Variants in MTAP observed in about 807,000 individuals in gnomAD.
MTAP encodes S-methyl-5'-thioadenosine phosphorylase.
Under a neutral mutation model 33.6 loss-of-function variants are expected in MTAP, and 33 were observed. The ratio of observed to expected loss-of-function variants is 0.98; its 90% CI spans 0.74 to 1.31. The LOEUF (loss-of-function observed/expected upper bound fraction) is 1.31. Ranked by LOEUF, MTAP falls within the 40% of genes most tolerant of loss-of-function variation. MTAP has a pLI of 0.00. For synonymous variants in MTAP, 148 were observed against 125.7 expected, an observed-to-expected ratio of 1.18 and a Z score of -1.19; for missense variants, 367 against 360.0, an observed-to-expected ratio of 1.02 and a Z score of -0.16.
chr9:21,843,762 A>G (rs985022463), intron 5 of MTAP, among the ~76,000 whole-genome samples: 1 of 152,220 alleles, frequency 6.6e-6, no homozygotes, highest in African/African-American at 2.4e-5. Flanking sequence ...CTAATGGGAA[A>G]GTTCATAGCA....
chr9:21,854,016 T>C (rs1051386810), intron 5 of MTAP, among the ~76,000 whole-genome samples: 2 of 152,338 alleles, frequency 1.3e-5, no homozygotes, highest in South Asian at 4.1e-4. Flanking sequence ...AATCCATGCC[T>C]AGCCTTGCCA....
chr9:21,865,506 A>G lies in MTAP; in HGVS notation c.*3492A>G, dbSNP rs146379102. ...ACCAGTGTGCACACAATCTGGCTCA[A>G]TGTATATATTGGCCCAGCAAGGCAA... is the stretch of plus-strand genomic sequence containing the variant. On this transcript the variant is annotated 3_prime_UTR_variant, in exon 8 of 8. Transcript: ENST00000644715. 4.4e-4 allele frequency: 435 copies of G among 985,618 alleles called. 1 individual carries two copies. In the African/African-American group the frequency reaches 7.3e-3, roughly 16 times the overall value. 61.1% of individuals were successfully genotyped at this position (985,618 alleles called of 1,614,324 possible). A position where few individuals can be genotyped will look rare whatever the true frequency, so the allele number is the denominator to read the frequency against.
intron 1 of MTAP, among the ~76,000 whole-genome samples, chr9:21,903,136 G>C (rs969955787): frequency 1.3e-5 from 2 of 152,172 alleles, no homozygotes; most frequent in Non-Finnish European, 2.9e-5. Flanking sequence ...CTGTAGCATT[G>C]AATGGGGCCT....
chr9:21,867,286 T>C (rs1163405456), downstream of MTAP, among the ~76,000 whole-genome samples: 1 of 152,180 alleles, frequency 6.6e-6, no homozygotes, highest in Non-Finnish European at 1.5e-5. Context: ...CGTCTAGTTT[T>C]TCACTATTAA....
At chr9:21,939,535 A>G (rs1049538940), downstream of MTAP, among the ~76,000 whole-genome samples, 1 of 152,158 alleles carries the variant, frequency 6.6e-6, no homozygotes, top group Non-Finnish European at 1.5e-5. Context: ...ATTATTTCCA[A>G]GGCAATATAG....
intron 1 of MTAP, among the ~76,000 whole-genome samples, chr9:21,916,380 C>T (rs753728501): frequency 1.7e-4 from 26 of 152,018 alleles, no homozygotes; most frequent in Non-Finnish European, 3.8e-4. Flanking sequence ...GAGGCCGAGA[C>T]GGGTGGATCA....
chr9:21,829,903 A>C (rs1473463363), intron 4 of MTAP, among the ~76,000 whole-genome samples: 3 of 152,148 alleles, frequency 2.0e-5, no homozygotes, highest in Non-Finnish European at 4.4e-5. Context: ...TTTTAAGAAA[A>C]ATGTCATTCT....
At chr9:21,899,420 A>G (rs1818352358) in intron 1 of MTAP, among the ~76,000 whole-genome samples, 1 of 147,650 alleles carries the variant, frequency 6.8e-6, no homozygotes, top group Non-Finnish European at 1.5e-5. Context: ...GGGGAAGGGG[A>G]AGGAGGGGAG....
rs1008568515 is a variant in MTAP, at chr9:21,912,889, G to A, written c.148-18119G>A. On this transcript the variant is annotated intron_variant, in intron 1 of 1. Coordinates refer to the MTAP transcript ENST00000577563. ...GATTGTATATCTAGAAAACCCCATC[G>A]TCTCAGTCCAAAATCTCGTTAAGCT... Among the ~76,000 whole-genome samples, 8 of 152,246 alleles carry A rather than the reference G, an allele frequency of 5.3e-5. No homozygotes were observed. The East Asian group carries it at 7.7e-4, about 15-fold the overall frequency.
intron 4 of MTAP, among the ~76,000 whole-genome samples, chr9:21,832,744 G>T (rs929264408): frequency 2.6e-5 from 4 of 152,126 alleles, no homozygotes; most frequent in Non-Finnish European, 4.4e-5. Context: ...TACACTACCA[G>T]TTTTTGAGTT....
chr9:21,848,492 A>G (rs1278167001), intron 5 of MTAP, among the ~76,000 whole-genome samples: 1 of 151,404 alleles, frequency 6.6e-6, no homozygotes, highest in African/African-American at 2.4e-5. Flanking sequence ...AAAGGTTCTA[A>G]TTATTTACTT....
intron 1 of MTAP, chr9:21,929,639 C>T (rs980252857): frequency 1.7e-5 from 5 of 297,522 alleles, no homozygotes; most frequent in Non-Finnish European, 3.5e-5. Flanking sequence ...CCAGCCTGTA[C>T]CAGAGATTGG....
intron 5 of MTAP, among the ~76,000 whole-genome samples, chr9:21,840,277 G>A (rs1032910440): frequency 7.3e-5 from 11 of 151,696 alleles, no homozygotes; most frequent in African/African-American, 1.9e-4. Context: ...CCACAAGGAC[G>A]GACAGAATAG....
chr9:21,812,865 C>G (rs1824385442), intron 1 of MTAP, among the ~76,000 whole-genome samples: 1 of 152,218 alleles, frequency 6.6e-6, no homozygotes, highest in African/African-American at 2.4e-5. Context: ...TGTATCCCAG[C>G]TTTGCTCCTT....
At chr9:21,853,573 A>G (rs1018547686) in intron 5 of MTAP, among the ~76,000 whole-genome samples, 2 of 152,214 alleles carry the variant, frequency 1.3e-5, no homozygotes, top group East Asian at 3.8e-4. Context: ...GACTTTGCCC[A>G]GATTGGAGAC....
At chr9:21,859,146 A>T in intron 6 of MTAP, 157 bp from the exon 7 acceptor site, 1 of 1,058,092 alleles carries the variant, frequency 9.5e-7, no homozygotes. Flanking sequence ...CAAATGCCCA[A>T]CCTCCAAATA....
intron 5 of MTAP, among the ~76,000 whole-genome samples, chr9:21,844,420 T>C (rs905570276): frequency 6.6e-6 from 1 of 151,780 alleles, no homozygotes; most frequent in Admixed American, 6.6e-5. Flanking sequence ...GAAAAGAACA[T>C]AATAAAAAAA....
At chr9:21,803,040 C>A in intron 1 of MTAP, 2 of 529,238 alleles carry the variant, frequency 3.8e-6, no homozygotes, top group South Asian at 5.7e-5. Flanking sequence ...ACACACACCA[C>A]CTTTTGGCTT....
chr9:21,867,445 C>G (rs1047442405), downstream of MTAP, among the ~76,000 whole-genome samples: 3 of 152,066 alleles, frequency 2.0e-5, no homozygotes, highest in African/African-American at 7.2e-5. Flanking sequence ...TGACTTTTCT[C>G]TTTTATTTTG....
Sources: gnomAD v4.1 joint callset for allele counts (sites outside exome capture counted in the v4.1 genomes callset) on GRCh38, gnomAD v4.1.1 for gene constraint, MANE v1.5 for transcripts, NCBI Gene and HGNC (gene_info 2026-07-23, HGNC 2026-07-21) for gene names.